CSMD3: variants seen among roughly 807,000 people sequenced by gnomAD.
CSMD3 encodes the protein CUB and sushi domain-containing protein 3.
CSMD3 carries 177 observed loss-of-function variants against 435.2 expected under a neutral mutation model. The ratio of observed to expected loss-of-function variants is 0.41; its 90% CI spans 0.36 to 0.46. CSMD3 has a LOEUF of 0.46. CSMD3 is among the 20% of genes least tolerant of loss of function. CSMD3 has a pLI of 0.34. For missense variants in CSMD3, 4,265 were observed against 4,504.6 expected, an observed-to-expected ratio of 0.95 and a Z score of 1.52; for synonymous variants, 1,656 against 1,520.5, an observed-to-expected ratio of 1.09 and a Z score of -2.07.
chr8:112,668,064 T>C (rs1347816431), intron 16 of CSMD3, among the ~76,000 whole-genome samples: 1 of 152,152 alleles, frequency 6.6e-6, no homozygotes, highest in Non-Finnish European at 1.5e-5. Context: ...ACATTTTCTA[T>C]GTGAAATTGC....
At chr8:112,570,154 G>A (rs907072043) in intron 24 of CSMD3, among the ~76,000 whole-genome samples, 2 of 151,566 alleles carry the variant, frequency 1.3e-5, no homozygotes, top group African/African-American at 4.9e-5. Context: ...CTGCTTCCAA[G>A]AATTTTGTGA....
At position 112,818,972 on chromosome 8, in the gene CSMD3, G is replaced by A. The variant is rs192279701; in HGVS notation, c.1859+10714C>T. 1.2e-4 allele frequency among the ~76,000 whole-genome samples: 18 copies of A among 152,028 alleles called. No individual in the cohort carries two copies. In the East Asian group the frequency reaches 3.1e-3, roughly 26 times the overall value. Reference sequence around the variant, plus strand: ...TGTTATAAAATTATCAGTTCAAGAGGGATCAGAAATCAAAATCAAATCTAT... The same window carrying A: ...TGTTATAAAATTATCAGTTCAAGAGAGATCAGAAATCAAAATCAAATCTAT... On this transcript the variant is annotated intron_variant, in intron 12 of 70. Coordinates refer to ENST00000297405, the MANE Select transcript of CSMD3 (RefSeq NM_198123.2).
At chr8:112,501,193 C>T (rs1821917992) in intron 30 of CSMD3, among the ~76,000 whole-genome samples, 1 of 151,590 alleles carries the variant, frequency 6.6e-6, no homozygotes, top group Non-Finnish European at 1.5e-5. Context: ...ATGACAAACC[C>T]TGGGCATTTA....
At chr8:112,739,401 A>T (rs376887929) in intron 13 of CSMD3, among the ~76,000 whole-genome samples, 27 of 151,918 alleles carry the variant, frequency 1.8e-4, no homozygotes, top group African/African-American at 6.5e-4. Flanking sequence ...TTAAGGCCAT[A>T]AACCTAGAGC....
intron 4 of CSMD3, among the ~76,000 whole-genome samples, chr8:113,100,750 A>C (rs1477795862): frequency 6.6e-6 from 1 of 152,174 alleles, no homozygotes; most frequent in Non-Finnish European, 1.5e-5. Context: ...TACATGATAA[A>C]TATACATTAC....
intron 32 of CSMD3, among the ~76,000 whole-genome samples, chr8:112,433,549 CAG>C (rs1344441272): frequency 2.0e-5 from 3 of 148,902 alleles, no homozygotes; most frequent in Non-Finnish European, 4.4e-5. Flanking sequence ...CCCAACTACT[CAG>C]AGTGTTGAGG....
At chr8:113,307,373 A>C (rs1280270004) in intron 2 of CSMD3, among the ~76,000 whole-genome samples, 9 of 152,044 alleles carry the variant, frequency 5.9e-5, no homozygotes, top group Non-Finnish European at 1.2e-4. Context: ...ATGAACTTAG[A>C]CTCCTTCACA....
At chr8:113,122,531 G>A (rs919748313) in intron 4 of CSMD3, among the ~76,000 whole-genome samples, 2 of 152,064 alleles carry the variant, frequency 1.3e-5, no homozygotes, top group Admixed American at 1.3e-4. Context: ...AGATCACCCA[G>A]GAATATTTCA....
At chr8:113,046,951 G>A (rs1008344488) in intron 5 of CSMD3, among the ~76,000 whole-genome samples, 5 of 152,174 alleles carry the variant, frequency 3.3e-5, no homozygotes, top group African/African-American at 4.8e-5. Context: ...TTTATTCTGC[G>A]TCTCTGTTCT....
intron 1 of CSMD3, among the ~76,000 whole-genome samples, chr8:113,327,272 GA>G (rs1047284321): frequency 4.6e-5 from 7 of 152,056 alleles, no homozygotes; most frequent in Non-Finnish European, 8.8e-5. Flanking sequence ...ATTACTTTTT[GA>G]ATAAAATGAC....
intron 26 of CSMD3, 60 bp downstream of exon 26, chr8:112,552,534 T>A (rs1423951490): frequency 1.1e-4 from 158 of 1,499,840 alleles, no homozygotes; most frequent in Non-Finnish European, 1.4e-4. Context: ...TAATTTTATA[T>A]AGGGGTTGGT....
intron 32 of CSMD3, among the ~76,000 whole-genome samples, chr8:112,435,425 A>C (rs1814222781): frequency 6.6e-6 from 1 of 152,098 alleles, no homozygotes; most frequent in Non-Finnish European, 1.5e-5. Context: ...ACAGCTAGTA[A>C]GAGACAAGCT....
chr8:112,619,516 C>T (rs1833904835), intron 22 of CSMD3, among the ~76,000 whole-genome samples: 1 of 152,038 alleles, frequency 6.6e-6, no homozygotes, highest in South Asian at 2.1e-4. Flanking sequence ...TCTCTCAGCT[C>T]ATGATCCTGC....
intron 9 of CSMD3, among the ~76,000 whole-genome samples, chr8:112,924,698 C>T (rs979182316): frequency 2.6e-5 from 4 of 151,874 alleles, no homozygotes; most frequent in Non-Finnish European, 5.9e-5. Flanking sequence ...AGCTTCTATA[C>T]TTATTTTTCC....
At chr8:112,795,964 TA>T (rs200623932) in intron 13 of CSMD3, among the ~76,000 whole-genome samples, 2,942 of 151,360 alleles carry the variant, frequency 0.019, 50 homozygotes, top group Middle Eastern at 0.048. Flanking sequence ...TATATGAAAA[TA>T]AAAAAAAATG....
Position 112,340,018 on chromosome 8 carries a change from TCA to T in CSMD3, c.6652+1457_6652+1458del, listed in dbSNP as rs537071617. ...TTCAAGGATATATTAACTGAAAATATCAGAGTTAATAAAGCTCAATTTCTAGT... is the reference window on the plus strand; with the variant it reads ...TTCAAGGATATATTAACTGAAAATATGAGTTAATAAAGCTCAATTTCTAGT... On this transcript the variant is annotated intron_variant, in intron 42 of 70. Transcript: ENST00000297405. 3.9e-5 allele frequency among the ~76,000 whole-genome samples: 6 copies of T among 152,282 alleles called. No homozygotes were observed. The East Asian group carries it at 1.2e-3, about 29-fold the overall frequency.
intron 12 of CSMD3, among the ~76,000 whole-genome samples, chr8:112,803,015 A>G (rs1023550555): frequency 6.6e-6 from 1 of 152,110 alleles, no homozygotes; most frequent in African/African-American, 2.4e-5. Context: ...TTTGGAATAC[A>G]TACAAGTACC....
At chr8:112,953,356 T>C (rs185965941) in intron 8 of CSMD3, among the ~76,000 whole-genome samples, 8 of 151,618 alleles carry the variant, frequency 5.3e-5, no homozygotes, top group Non-Finnish European at 1.0e-4. Flanking sequence ...CTCAAAAATG[T>C]GTTGAATAAT....
chr8:112,383,957 A>G (rs1829711565), intron 36 of CSMD3, among the ~76,000 whole-genome samples: 1 of 152,198 alleles, frequency 6.6e-6, no homozygotes, highest in African/African-American at 2.4e-5. Context: ...GAGCTAATCT[A>G]ATGACTCAGT....
Sources: gnomAD v4.1 joint callset for allele counts (sites outside exome capture counted in the v4.1 genomes callset) on GRCh38, gnomAD v4.1.1 for gene constraint, MANE v1.5 for transcripts, NCBI Gene and HGNC (gene_info 2026-07-23, HGNC 2026-07-21) for gene names.